ALG8: variants seen among roughly 807,000 people sequenced by gnomAD.
ALG8 encodes the protein ALG8 alpha-1,3-glucosyltransferase.
A neutral mutation model predicts 70.2 loss-of-function variants in ALG8; 48 were observed. That is an observed-to-expected ratio of 0.68 (90% CI 0.54 to 0.87). ALG8 has a LOEUF of 0.87. ALG8 is among the 40% of genes least tolerant of loss of function. The pLI is 0.00. For synonymous variants in ALG8, 234 were observed against 229.0 expected (o/e 1.02, Z -0.20); for missense variants, 572 against 608.7 (o/e 0.94, Z 0.64).
At position 78,113,985 on chromosome 11, in the gene ALG8, C is replaced by A. The variant is rs754476593; in HGVS notation, c.678G>T (p.Gly226=). Residue 226 remains glycine, a synonymous_variant, in exon 7 of 13, where the codon GGG becomes GGT. Transcript: ENST00000299626. ...SYCFTANKPD[G]SIRWKSFSFV... ...AGCTGAAACTCTTCCATCGAATAGA[C>A]CCATCTACAGAAAAGGAACATTATC... 132 of 1,599,526 alleles carry A rather than the reference C, an allele frequency of 8.3e-5. No individual in the cohort carries two copies. The highest frequency in any genetic ancestry group is 1.1e-4 in the Non-Finnish European group (128 of 1,172,606).
rs528066086 is a variant in ALG8 at position 78,122,455 on chromosome 11, C to T, written c.369-1281G>A. On this transcript the variant is annotated intron_variant, in intron 3 of 12. Transcript: ENST00000299626. ...CCACCCAGGTTCAAGAGATCCTCTG[C>T]CTCAGGCTCCCAAGTAGCTGGGACA... 2.6e-5 allele frequency among the ~76,000 whole-genome samples: 4 copies of T among 151,644 alleles called. No homozygotes were observed. The South Asian group carries it at 8.3e-4, about 32-fold the overall frequency.
intron 12 of ALG8, among the ~76,000 whole-genome samples, chr11:78,102,487 G>C (rs1411884555): frequency 6.6e-6 from 1 of 152,150 alleles, no homozygotes; most frequent in South Asian, 2.1e-4. Flanking sequence ...CTTTTAGCTA[G>C]TATGAATAAT....
chr11:78,119,250 C>G lies in ALG8; in HGVS notation c.479-1G>C. 6.2e-7 allele frequency: 1 copy of G among 1,609,156 alleles called. No homozygotes were observed. Among genetic ancestry groups the G allele is most frequent in the South Asian group, 1.1e-5 (1 of 90,960 alleles). On this transcript the variant is annotated splice_acceptor_variant, in intron 4 of 12. Coordinates refer to ENST00000299626, the MANE Select transcript of ALG8 (RefSeq NM_024079.5). LOFTEE classifies it high-confidence loss of function. ...AAGCCATTGTACTGAAAATGAATAT[C>G]TGGACTTAGGTCAAGGAAAGACAAC...
intron 1 of ALG8, among the ~76,000 whole-genome samples, chr11:78,134,935 GA>G (rs1477874512): frequency 1.3e-5 from 2 of 152,122 alleles, no homozygotes; most frequent in Non-Finnish European, 2.9e-5. Flanking sequence ...CTCCTCCCAT[GA>G]ATCATGAATG....
intron 1 of ALG8, chr11:78,138,671 G>C (rs1305523192): frequency 2.2e-6 from 1 of 453,612 alleles, no homozygotes; most frequent in African/African-American, 2.0e-5. Flanking sequence ...AGGATGAAGG[G>C]AAGGCGGAAG....
In ALG8 at chr11:78,106,868, A is replaced by G. The variant is rs558379335; in HGVS notation, c.1117T>C (p.Ser373Pro). 38 of 1,614,160 alleles carry G rather than the reference A, an allele frequency of 2.4e-5. No individual in the cohort carries two copies. The highest frequency in any genetic ancestry group is 2.2e-4 in the Admixed American group (13 of 60,014). The change falls in exon 10 of 13, where the codon TCC (serine) becomes CCC (proline). Residue 373 changes from serine (S) to proline (P), a missense_variant. Transcript: ENST00000299626. ...LRCLTLCALS[S>P]FMFGWHVHEK... ...TGAACATGCCACCCAAACATAAAGG[A>G]GCTCAAGGCACAAAGAGTTAGACAT...
intron 1 of ALG8, among the ~76,000 whole-genome samples, chr11:78,131,520 T>C (rs1412142026): frequency 2.0e-5 from 3 of 150,696 alleles, no homozygotes; most frequent in African/African-American, 2.5e-5. Flanking sequence ...AGAGGACGGC[T>C]TGAGCCCAGG....
At chr11:78,119,789 C>A (rs1174899946) in intron 4 of ALG8, among the ~76,000 whole-genome samples, 1 of 152,048 alleles carries the variant, frequency 6.6e-6, no homozygotes, top group Non-Finnish European at 1.5e-5. Flanking sequence ...GAAGCAAACA[C>A]CATAGTCAGA....
intron 1 of ALG8, among the ~76,000 whole-genome samples, chr11:78,135,814 C>G (rs895310129): frequency 6.6e-6 from 1 of 150,468 alleles, no homozygotes; most frequent in Non-Finnish European, 1.5e-5. Flanking sequence ...TGCCACTACA[C>G]TCCAGCATGG....
chr11:78,133,963 A>C (rs1861429538), intron 1 of ALG8, among the ~76,000 whole-genome samples: 1 of 152,132 alleles, frequency 6.6e-6, no homozygotes, highest in South Asian at 2.1e-4. Context: ...TATGTCTAAA[A>C]AGACAGCGTA....
At chr11:78,118,452 A>C (rs1565353465) in intron 5 of ALG8, among the ~76,000 whole-genome samples, 1 of 151,088 alleles carries the variant, frequency 6.6e-6, no homozygotes, top group African/African-American at 2.4e-5. Context: ...CCCATCTCTA[A>C]TAAAAATACA....
chr11:78,135,499 C>G (rs1209972045), intron 1 of ALG8, among the ~76,000 whole-genome samples: 1 of 151,682 alleles, frequency 6.6e-6, no homozygotes, highest in African/African-American at 2.4e-5. Flanking sequence ...ATTGCTTGAG[C>G]CTAGGAATTC....
At chr11:78,104,222 AG>A in intron 11 of ALG8, 133 bp downstream of exon 11, 2 of 991,668 alleles carry the variant, frequency 2.0e-6, no homozygotes, top group East Asian at 2.6e-5. Flanking sequence ...AGGAAATTGG[AG>A]GTTTTATTTA....
chr11:78,124,078 A>C lies in ALG8; in HGVS notation c.311T>G (p.Leu104Arg). 1 of 1,614,196 alleles carries C rather than the reference A, an allele frequency of 6.2e-7. No individual in the cohort carries two copies. Among genetic ancestry groups the C allele is most frequent in the South Asian group, 1.1e-5 (1 of 91,088 alleles). Residue 104 changes from leucine (L) to arginine (R), a missense_variant, in exon 3 of 13, where the codon CTT becomes CGT. By Grantham distance (102) the Leu-to-Arg change is moderately radical. Transcript: ENST00000299626. The stretch of plus-strand genomic sequence containing the variant: ...AAAGATGACGGAAAATCTCTGGAAA[A>C]GTAAGGTCCTTGAGCTGGAGTAATT... ...NLNYSSSRTL[L>R]FQRFSVIFMD... is the part of the protein sequence containing the mutation.
chr11:78,124,018 TACTC>T lies in ALG8; in HGVS notation c.367_368+2del. ...CATACAAAATGACATGCTCCAGACT[TACTC>T]ACGGACAGCATACACAAAGAGTACA... On this transcript the variant is annotated splice_donor_variant and coding_sequence_variant, in exon 3 of 13. Transcript: ENST00000299626. LOFTEE classifies it high-confidence loss of function. 6.2e-7 allele frequency: 1 copy of T among 1,614,076 alleles called. No individual in the cohort carries two copies.
chr11:78,102,335 G>T (rs375709073), intron 12 of ALG8, among the ~76,000 whole-genome samples: 1 of 151,914 alleles, frequency 6.6e-6, no homozygotes, highest in African/African-American at 2.4e-5. Context: ...CTATTCTCTC[G>T]TTTCTTTCAC....
At position 78,104,535 on chromosome 11, in the gene ALG8, T is replaced by G; in HGVS notation, c.1179-82A>C. 3.2e-6 allele frequency: 4 copies of G among 1,266,954 alleles called. No individual in the cohort carries two copies. The South Asian group carries it at 5.2e-5, about 16-fold the overall frequency. The allele number at this position is 1,266,954 out of a possible 1,614,324, so 78.5% of individuals were successfully genotyped here. A position where few individuals can be genotyped will look rare whatever the true frequency, so the allele number is the denominator to read the frequency against. On this transcript the variant is annotated intron_variant, in intron 10 of 12. Coordinates refer to ENST00000299626, the MANE Select transcript of ALG8 (RefSeq NM_024079.5). ...TAAATAAACTGCATCTCCTATTACA[T>G]TAGAACTGGCTGAGGCATAGAAGAA...
intron 2 of ALG8, among the ~76,000 whole-genome samples, chr11:78,124,683 A>C (rs1860986803): frequency 6.6e-6 from 1 of 152,216 alleles, no homozygotes; most frequent in Non-Finnish European, 1.5e-5. Flanking sequence ...ATAACAAATA[A>C]TTCACTAACT....
At chr11:78,122,342 ATTT>A (rs375214398) in intron 3 of ALG8, among the ~76,000 whole-genome samples, 6 of 138,880 alleles carry the variant, frequency 4.3e-5, no homozygotes, top group Non-Finnish European at 4.7e-5. Flanking sequence ...AGAGATTTCA[ATTT>A]TTTTTTTTTT....
Sources: allele counts gnomAD v4.1 joint callset (sites outside exome capture counted in the v4.1 genomes callset), GRCh38; gene constraint gnomAD v4.1.1; transcripts MANE v1.5; gene names NCBI Gene and HGNC (gene_info 2026-07-23, HGNC 2026-07-21).